Variants in DPP8 observed in about 807,000 individuals in gnomAD.
DPP8 encodes the protein DPP VIII.
A neutral mutation model predicts 107.5 loss-of-function variants in DPP8; 31 were observed. That is an observed-to-expected ratio of 0.29 (90% CI 0.22 to 0.39). The LOEUF is 0.39. Ranked by LOEUF, DPP8 falls within the 10% of genes least tolerant of loss-of-function variation. The pLI, the probability that DPP8 is intolerant of heterozygous loss-of-function variation, is 1.00. For missense variants in DPP8, 842 were observed against 1,076.1 expected (o/e 0.78, Z 3.04); for synonymous variants, 381 against 356.6 (o/e 1.07, Z -0.77).
At position 65,512,286 on chromosome 15, in the gene DPP8, C is replaced by T. The variant is rs141334874; in HGVS notation, c.259+9G>A. On this transcript the variant is annotated intron_variant, in intron 2 of 19. Coordinates refer to ENST00000300141, the MANE Select transcript of DPP8 (RefSeq NM_130434.5). ...CATTTTCTCTCAGAAACTACAACTT[C>T]GTACTCACCAAGGTAATAGATTCTG... The T allele has an allele frequency of 5.2e-5, 83 of 1,601,174 alleles. No homozygotes were observed. The Middle Eastern group carries it at 5.3e-4, about 10-fold the overall frequency.
chr15:65,473,434 T>C (rs1356519593), intron 12 of DPP8, among the ~76,000 whole-genome samples: 1 of 151,416 alleles, frequency 6.6e-6, no homozygotes. Flanking sequence ...GGGCAAGTAG[T>C]AGATAGTTAG....
chr15:65,448,691 ATAT>A (rs1472389172), intron 19 of DPP8, among the ~76,000 whole-genome samples: 53 of 106,160 alleles, frequency 5.0e-4, no homozygotes, highest in African/African-American at 2.2e-3. Context: ...AAAAAAAAAA[ATAT>A]ATATATATAT....
In DPP8 at chr15:65,445,273, G is replaced by A. The variant is rs2063455402; in HGVS notation, c.*1611C>T. 1 of 152,172 alleles carries A rather than the reference G, an allele frequency of 6.6e-6. No homozygotes were observed. The highest frequency in any genetic ancestry group is 2.1e-4 in the South Asian group (1 of 4,824). The allele number at this position is 152,172 out of a possible 1,614,324, so 9.4% of individuals were successfully genotyped here. On this transcript the variant is annotated 3_prime_UTR_variant, in exon 20 of 20. Transcript: ENST00000300141. ...TGGGGAAATCTACTCTCTCTGTAGT[G>A]ATGAGAAAGAAATATAGCAAATTTT...
At chr15:65,497,517 G>A (rs1170345308) in intron 5 of DPP8, among the ~76,000 whole-genome samples, 4 of 151,800 alleles carry the variant, frequency 2.6e-5, no homozygotes, top group African/African-American at 7.2e-5. Flanking sequence ...GCCTCCCAGA[G>A]TGCTAGGATT....
intron 8 of DPP8, among the ~76,000 whole-genome samples, chr15:65,483,327 C>G (rs2067103827): frequency 6.6e-6 from 1 of 151,882 alleles, no homozygotes; most frequent in African/African-American, 2.4e-5. Context: ...GAGTGCAAGA[C>G]CAGCCTGGGC....
chr15:65,515,570 A>G (rs1052092201), intron 1 of DPP8: 27 of 1,171,564 alleles, frequency 2.3e-5, no homozygotes, highest in African/African-American at 2.0e-4. Flanking sequence ...AAATAGGAAA[A>G]TAGGGTCAGT....
At chr15:65,503,550 C>G (rs2141020855) in intron 3 of DPP8, among the ~76,000 whole-genome samples, 1 of 152,228 alleles carries the variant, frequency 6.6e-6, no homozygotes. Flanking sequence ...ATGCGATTCT[C>G]CTGCCTCAGC....
chr15:65,472,850 G>C (rs139735372), intron 12 of DPP8, among the ~76,000 whole-genome samples: 1 of 152,022 alleles, frequency 6.6e-6, no homozygotes, highest in East Asian at 1.9e-4. Context: ...GACCAGCCTG[G>C]GCAACATGGC....
In DPP8 at chr15:65,444,418, T is replaced by C. The variant is rs1459006513; in HGVS notation, c.*2466A>G. 1 of 152,240 alleles carries C rather than the reference T, an allele frequency of 6.6e-6. No homozygotes were observed. The highest frequency in any genetic ancestry group is 2.4e-5 in the African/African-American group (1 of 41,462). 9.4% of individuals were successfully genotyped at this position (152,240 alleles called of 1,614,324 possible). On this transcript the variant is annotated 3_prime_UTR_variant, in exon 20 of 20. Transcript: ENST00000300141. Reference sequence around the variant, plus strand: ...TAACCTAGTGCTTTTTGGCTCCCACTAAACTGTTGCTACTTTTATATATTC... The same window carrying C: ...TAACCTAGTGCTTTTTGGCTCCCACCAAACTGTTGCTACTTTTATATATTC...
At chr15:65,466,113 T>C (rs2065327521) in intron 14 of DPP8, among the ~76,000 whole-genome samples, 1 of 152,190 alleles carries the variant, frequency 6.6e-6, no homozygotes, top group African/African-American at 2.4e-5. Context: ...AATTGTTTCC[T>C]AGCTGACACC....
rs555913844 is a variant in DPP8 at position 65,485,760 on chromosome 15, C to A, written c.956-600G>T. On this transcript the variant is annotated intron_variant, in intron 7 of 19. Coordinates refer to ENST00000300141, the MANE Select transcript of DPP8 (RefSeq NM_130434.5). ...ATCACTTGAGCTCAGGAATTCAAGA[C>A]CAGCTTGGTCAACATGGTAAAACCC... Among the ~76,000 whole-genome samples the A allele has an allele frequency of 2.0e-5, 3 of 151,872 alleles. No homozygotes were observed. The South Asian group carries it at 6.2e-4, about 32-fold the overall frequency.
intron 11 of DPP8, among the ~76,000 whole-genome samples, chr15:65,476,087 C>T (rs1485923278): frequency 6.6e-6 from 1 of 152,166 alleles, no homozygotes; most frequent in Non-Finnish European, 1.5e-5. Flanking sequence ...CTTGATGAGG[C>T]TCTCTCAGCG....
intron 11 of DPP8, among the ~76,000 whole-genome samples, chr15:65,476,881 G>T (rs180939855): frequency 1.6e-4 from 24 of 152,202 alleles, no homozygotes; most frequent in Admixed American, 5.9e-4. Flanking sequence ...AAGGAATCCT[G>T]ACATGCACTA....
chr15:65,505,110 C>T (rs1306759082), intron 3 of DPP8, among the ~76,000 whole-genome samples: 1 of 152,080 alleles, frequency 6.6e-6, no homozygotes, highest in African/African-American at 2.4e-5. Context: ...AATCCCAGCA[C>T]TTTGGGAGGC....
At chr15:65,476,985 A>G (rs1050501039) in intron 11 of DPP8, among the ~76,000 whole-genome samples, 3 of 152,196 alleles carry the variant, frequency 2.0e-5, no homozygotes, top group African/African-American at 7.2e-5. Context: ...AGACATCTAG[A>G]GTAGTTACAT....
At chr15:65,512,253 TAAG>T (rs1402121594) in intron 2 of DPP8, 39 bp downstream of exon 2, 18 of 1,563,426 alleles carry the variant, frequency 1.2e-5, no homozygotes, top group Non-Finnish European at 1.6e-5. Context: ...AAGTTTGACT[TAAG>T]AGATCATTTT....
chr15:65,509,253 C>G (rs771893521), intron 2 of DPP8, among the ~76,000 whole-genome samples: 23 of 152,248 alleles, frequency 1.5e-4, no homozygotes, highest in Non-Finnish European at 3.1e-4. Flanking sequence ...CACAATTTTA[C>G]AAAATGTGAT....
At chr15:65,492,283 AG>A (rs753007703) in intron 5 of DPP8, among the ~76,000 whole-genome samples, 1 of 152,008 alleles carries the variant, frequency 6.6e-6, no homozygotes, top group East Asian at 2.0e-4. Context: ...AGGAGGATGC[AG>A]TGAGCCGAGA....
At chr15:65,458,347 G>A (rs1265464386) in intron 15 of DPP8, among the ~76,000 whole-genome samples, 6 of 152,080 alleles carry the variant, frequency 3.9e-5, no homozygotes, top group Admixed American at 3.3e-4. Flanking sequence ...TGCAACTTCC[G>A]CCTCCCAGGT....
Sources: allele counts gnomAD v4.1 joint callset (sites outside exome capture counted in the v4.1 genomes callset), GRCh38; gene constraint gnomAD v4.1.1; transcripts MANE v1.5; gene names NCBI Gene and HGNC (gene_info 2026-07-23, HGNC 2026-07-21).